Variants in KLRG1 observed in about 807,000 individuals in gnomAD.
KLRG1 encodes the protein killer cell lectin-like receptor subfamily G member 1.
KLRG1 carries 16 observed loss-of-function variants against 21.8 expected under a neutral mutation model. The ratio of observed to expected loss-of-function variants is 0.73; its 90% CI spans 0.50 to 1.11. KLRG1 has a LOEUF of 1.11. Ranked by LOEUF, KLRG1 falls within the 50% of genes most tolerant of loss-of-function variation. KLRG1 has a pLI of 0.00. For synonymous variants in KLRG1, 69 were observed against 75.9 expected, an observed-to-expected ratio of 0.91 and a Z score of 0.47; for missense variants, 173 against 218.3, an observed-to-expected ratio of 0.79 and a Z score of 1.31.
At chr12:9,130,047 C>T in the KLRG1 span, among the ~76,000 whole-genome samples, 1 of 152,202 alleles carries the variant, frequency 6.6e-6, no homozygotes, top group Non-Finnish European at 1.5e-5. Context: ...TTGGATACTT[C>T]ATATAGGTGA....
At chr12:9,116,019 T>A in the KLRG1 span, 1 of 673,550 alleles carries the variant, frequency 1.5e-6, no homozygotes, top group Non-Finnish European at 2.7e-6. Flanking sequence ...CTCTGAACAT[T>A]CTCTGGAAAG....
At chr12:9,190,967 G>A in the KLRG1 span, among the ~76,000 whole-genome samples, 4 of 152,124 alleles carry the variant, frequency 2.6e-5, no homozygotes, top group South Asian at 2.1e-4. Flanking sequence ...AGAGTAAATC[G>A]GTAATTAATA....
At chr12:8,982,646 T>C (rs1946773212) in intron 1 of KLRG1, among the ~76,000 whole-genome samples, 1 of 144,852 alleles carries the variant, frequency 6.9e-6, no homozygotes, top group Non-Finnish European at 1.5e-5. Context: ...GACAATATCT[T>C]TTTTTTTTTT....
chr12:9,138,740 A>G, the KLRG1 span, among the ~76,000 whole-genome samples: 1 of 152,016 alleles, frequency 6.6e-6, no homozygotes, highest in South Asian at 2.1e-4. Context: ...GTATTTGGGA[A>G]TTTACACAAT....
the KLRG1 span, among the ~76,000 whole-genome samples, chr12:9,082,444 A>G: frequency 1.3e-5 from 2 of 152,198 alleles, no homozygotes; most frequent in Non-Finnish European, 2.9e-5. Context: ...CCTACCAAAC[A>G]TAAGAGCAAA....
intron 1 of KLRG1, among the ~76,000 whole-genome samples, chr12:8,957,626 T>C (rs1486338624): frequency 6.6e-6 from 1 of 152,234 alleles, no homozygotes; most frequent in East Asian, 1.9e-4. Flanking sequence ...CATGTCTGCA[T>C]AGCCAGCATT....
chr12:9,176,616 C>G, the KLRG1 span, among the ~76,000 whole-genome samples: 1 of 152,330 alleles, frequency 6.6e-6, no homozygotes, highest in African/African-American at 2.4e-5. Context: ...TCAACAGATT[C>G]AAGAACCCAC....
At chr12:9,055,031 A>C in the KLRG1 span, among the ~76,000 whole-genome samples, 3 of 152,328 alleles carry the variant, frequency 2.0e-5, no homozygotes, top group East Asian at 5.8e-4. Context: ...ACTTATTTAT[A>C]CTTCTCCAAT....
the KLRG1 span, chr12:9,064,977 C>G: frequency 6.6e-6 from 1 of 152,356 alleles, no homozygotes; most frequent in Non-Finnish European, 1.5e-5. This position sits in a 1 kb window ranked among gnomAD's most constrained non-coding sequence, Gnocchi z 4.0. Flanking sequence ...GAGGGCTGAG[C>G]CCCAGGGCTC....
At chr12:9,069,748 A>T in the KLRG1 span, 1 of 1,610,456 alleles carries the variant, frequency 6.2e-7, no homozygotes, top group Middle Eastern at 1.7e-4. Context: ...CTCTTACCTT[A>T]TCAAGGTAAA....
the KLRG1 span, among the ~76,000 whole-genome samples, chr12:9,047,636 A>G: frequency 6.6e-6 from 1 of 152,156 alleles, no homozygotes; most frequent in African/African-American, 2.4e-5. Flanking sequence ...AGAAAACAAG[A>G]CTCAATTATA....
the KLRG1 span, among the ~76,000 whole-genome samples, chr12:9,107,344 T>C: frequency 6.6e-6 from 1 of 152,202 alleles, no homozygotes; most frequent in South Asian, 2.1e-4. Context: ...CAATGGGCAA[T>C]TACGAGAAAT....
the KLRG1 span, among the ~76,000 whole-genome samples, chr12:9,025,274 G>GAT: frequency 6.6e-6 from 1 of 152,156 alleles, no homozygotes; most frequent in Non-Finnish European, 1.5e-5. Context: ...TTAAAATACA[G>GAT]ATAGAAGACA....
intron 3 of KLRG1, among the ~76,000 whole-genome samples, chr12:9,007,215 T>C (rs1028775168): frequency 8.5e-5 from 13 of 152,172 alleles, no homozygotes; most frequent in Admixed American, 8.5e-4. Context: ...TTTTCTCTCC[T>C]GTAGTGTCTC....
the KLRG1 span, among the ~76,000 whole-genome samples, chr12:9,018,898 G>A: frequency 1.3e-5 from 2 of 152,086 alleles, no homozygotes; most frequent in Admixed American, 1.3e-4. Context: ...TACCCCACAA[G>A]CACAGGCAAC....
At chr12:9,042,558 A>C in the KLRG1 span, among the ~76,000 whole-genome samples, 1 of 152,216 alleles carries the variant, frequency 6.6e-6, no homozygotes, top group Admixed American at 6.5e-5. Context: ...TTAGAAACTT[A>C]AGAGCATTGT....
the KLRG1 span, among the ~76,000 whole-genome samples, chr12:9,054,820 C>A: frequency 6.6e-6 from 1 of 152,148 alleles, no homozygotes; most frequent in African/African-American, 2.4e-5. Context: ...AATCTGACAT[C>A]CAAAGTGTTC....
intron 1 of KLRG1, chr12:8,950,263 T>C (rs1946173799): frequency 6.6e-6 from 1 of 152,204 alleles, no homozygotes; most frequent in Non-Finnish European, 1.5e-5. Flanking sequence ...TGAATTATTA[T>C]TGTTACTGTT....
chr12:9,201,296 T>G, the KLRG1 span: 1 of 1,506,512 alleles, frequency 6.6e-7, no homozygotes, highest in Admixed American at 1.8e-5. Flanking sequence ...AAGCACTAAT[T>G]TCCTTATAAG....
Sources: allele counts gnomAD v4.1 joint callset (sites outside exome capture counted in the v4.1 genomes callset), GRCh38; gene constraint gnomAD v4.1.1; non-coding constraint Gnocchi (gnomAD v3.1); transcripts MANE v1.5; gene names NCBI Gene and HGNC (gene_info 2026-07-23, HGNC 2026-07-21).